Variants in IDH1 observed in about 807,000 individuals in gnomAD.
IDH1 encodes the protein isocitrate dehydrogenase [NADP] cytoplasmic.
Under a neutral mutation model 46.1 loss-of-function variants are expected in IDH1, and 33 were observed. The observed-to-expected ratio is 0.72, with a 90% CI of 0.54 to 0.96. The LOEUF (loss-of-function observed/expected upper bound fraction) is 0.96. Ranked by LOEUF, IDH1 falls within the 40% of genes least tolerant of loss-of-function variation. The probability of loss-of-function intolerance (pLI) is 0.00; values close to 1 mark genes in which losing one functional copy is unlikely to be tolerated. For synonymous variants in IDH1, 144 were observed against 172.8 expected (o/e 0.83, Z 1.31); for missense variants, 421 against 515.7 (o/e 0.82, Z 1.78).
At chr2:208,250,693 T>C (rs1461587852) in intron 3 of IDH1, among the ~76,000 whole-genome samples, 1 of 152,160 alleles carries the variant, frequency 6.6e-6, no homozygotes, top group African/African-American at 2.4e-5. Flanking sequence ...ACATAGACTT[T>C]TGCATCTGTC....
chr2:208,245,063 T>G (rs1020608977), intron 5 of IDH1, among the ~76,000 whole-genome samples: 5 of 152,242 alleles, frequency 3.3e-5, no homozygotes, highest in Non-Finnish European at 7.3e-5. Context: ...TGCTTTAAGA[T>G]AAATGCATAA....
At chr2:208,238,179 G>C (rs1456466093) in intron 9 of IDH1, among the ~76,000 whole-genome samples, 1 of 151,676 alleles carries the variant, frequency 6.6e-6, no homozygotes, top group South Asian at 2.1e-4. Flanking sequence ...GGGACTACAG[G>C]TGCCCGCCAC....
intron 9 of IDH1, 145 bp downstream of exon 9, chr2:208,238,926 A>G (rs1377916592): frequency 6.6e-6 from 5 of 756,574 alleles, no homozygotes; most frequent in East Asian, 2.6e-5. Flanking sequence ...TAAAATGTTC[A>G]CTATCTGACA....
In IDH1 at chr2:208,244,689, A is replaced by G. The variant is rs73983718; in HGVS notation, c.520+630T>C. On this transcript the variant is annotated intron_variant, in intron 5 of 9. Transcript: ENST00000345146. ...CAGATTCCAACAGATATTATTTGGA[A>G]GAGGCAAGAAAAACAAAAGGTAGGT... is the stretch of plus-strand genomic sequence containing the variant. Among the ~76,000 whole-genome samples, 993 of 152,352 alleles carry G rather than the reference A, an allele frequency of 6.5e-3. 12 individuals are homozygous for G. The highest frequency in any genetic ancestry group is 0.023 in the African/African-American group (942 of 41,586).
intron 7 of IDH1, among the ~76,000 whole-genome samples, chr2:208,240,927 T>C (rs1287041861): frequency 1.3e-5 from 2 of 152,184 alleles, no homozygotes; most frequent in East Asian, 1.9e-4. Flanking sequence ...GATCTACTGA[T>C]TTTCAAACTG....
chr2:208,245,923 T>A (rs1323689328), intron 4 of IDH1, among the ~76,000 whole-genome samples: 1 of 152,156 alleles, frequency 6.6e-6, no homozygotes, highest in Non-Finnish European at 1.5e-5. Context: ...CCTTACTCTA[T>A]GCCAGATGCT....
chr2:208,252,682 T>A (rs1165603832), intron 2 of IDH1, among the ~76,000 whole-genome samples: 1 of 152,250 alleles, frequency 6.6e-6, no homozygotes, highest in East Asian at 1.9e-4. Context: ...CCTAAAATAG[T>A]CTTTCTTGAA....
rs1687818731 is a variant in IDH1 at position 208,236,722 on chromosome 2, T to C, written c.*357A>G. On this transcript the variant is annotated 3_prime_UTR_variant, in exon 10 of 10. Coordinates refer to ENST00000345146, the MANE Select transcript of IDH1 (RefSeq NM_005896.4). ...GCAGTGAATTTCTACTTTATGCATA[T>C]TTTAGGGAGCAATACTGTGGCTATC... 3.3e-6 allele frequency: 1 copy of C among 305,566 alleles called. No individual in the cohort carries two copies. Among genetic ancestry groups the C allele is most frequent in the Admixed American group, 4.6e-5 (1 of 21,508 alleles). The allele number at this position is 305,566 out of a possible 1,614,324, so 18.9% of individuals were successfully genotyped here.
intron 7 of IDH1, chr2:208,240,250 G>A: frequency 1.9e-6 from 1 of 529,948 alleles, no homozygotes; most frequent in Non-Finnish European, 3.5e-6. Context: ...CCTTGATGGA[G>A]GGTTCAGGGT....
In IDH1 at chr2:208,245,378, A is replaced by G; in HGVS notation, c.461T>C (p.Ile154Thr). The G allele has an allele frequency of 6.2e-7, 1 of 1,612,920 alleles. No individual in the cohort carries two copies. Among genetic ancestry groups the G allele is most frequent in the Non-Finnish European group, 8.5e-7 (1 of 1,179,368 alleles). ...GGTTCCGTCACTTGGTGTGTAGGTT[A>G]TCTCTACTTTTCCAGGCCCAGGAAC... ...FVVPGPGKVE[I>T]TYTPSDGTQK... The change falls in exon 5 of 10, where the codon ATA becomes ACA. Residue 154 changes from isoleucine (I) to threonine (T), a missense_variant. Coordinates refer to ENST00000345146, the MANE Select transcript of IDH1 (RefSeq NM_005896.4).
Position 208,238,270 on chromosome 2 carries a change from C to T in IDH1, c.1154+801G>A, listed in dbSNP as rs1345213260. Among the ~76,000 whole-genome samples, 8 of 151,980 alleles carry T rather than the reference C, an allele frequency of 5.3e-5. No homozygotes were observed. The South Asian group carries it at 6.2e-4, about 12-fold the overall frequency. ...CAGGATGGTCTTGATCTCCTGACCT[C>T]GTGATCCACCCACCTCGGCCTCCCA... On this transcript the variant is annotated intron_variant, in intron 9 of 9. Coordinates refer to ENST00000345146, the MANE Select transcript of IDH1 (RefSeq NM_005896.4).
chr2:208,237,764 CA>C (rs11433971), intron 9 of IDH1, among the ~76,000 whole-genome samples: 8,937 of 97,582 alleles, frequency 0.092, 624 homozygotes, highest in African/African-American at 0.25. Context: ...ACTAAAAATA[CA>C]AAAAAAAAAA....
intron 1 of IDH1, chr2:208,254,381 T>C (rs1688176847): frequency 6.6e-6 from 1 of 151,964 alleles, no homozygotes; most frequent in East Asian, 1.9e-4. Flanking sequence ...CGGGGGTGTT[T>C]CCCCCAGCCC....
Position 208,242,098 on chromosome 2 carries a change from C to T in IDH1, c.746G>A (p.Arg249Lys). 1.2e-6 allele frequency: 2 copies of T among 1,613,610 alleles called. No homozygotes were observed. The highest frequency in any genetic ancestry group is 1.7e-6 in the Non-Finnish European group (2 of 1,179,704). Reference protein sequence around the residue: ...FEAQKIWYEHRLIDDMVAQAM... With the variant: ...FEAQKIWYEHKLIDDMVAQAM... ...TTGGGCCACCATGTCGTCGATGAGC[C>T]TATGCTCATACCAGATCTTTTGAGC... Residue 249 changes from arginine (R) to lysine (K), a missense_variant, in exon 7 of 10, where the codon AGG becomes AAG. Coordinates refer to ENST00000345146, the MANE Select transcript of IDH1 (RefSeq NM_005896.4).
At chr2:208,248,881 G>A (rs1022814708) in intron 3 of IDH1, among the ~76,000 whole-genome samples, 61 of 152,142 alleles carry the variant, frequency 4.0e-4, no homozygotes, top group African/African-American at 1.3e-3. Context: ...CCCTCCTCTT[G>A]TAATGGGAAG....
Position 208,239,885 on chromosome 2 carries a change from C to G in IDH1, c.969G>C (p.Gln323His), listed in dbSNP as rs1687885183. 1.2e-6 allele frequency: 2 copies of G among 1,614,084 alleles called. No individual in the cohort carries two copies. The highest frequency in any genetic ancestry group is 1.7e-6 in the Non-Finnish European group (2 of 1,180,042). ...TRHYRMYQKGQETSTNPIASI... is the reference protein window; with the variant it reads ...TRHYRMYQKGHETSTNPIASI... ...TACCAATGGGATTGGTGGACGTCTCCTGTCCTTTCTGGTACATGCGGTAGT... is the reference window on the plus strand; with the variant it reads ...TACCAATGGGATTGGTGGACGTCTCGTGTCCTTTCTGGTACATGCGGTAGT... The change falls in exon 8 of 10, where the codon CAG (glutamine) becomes CAC (histidine). Residue 323 changes from glutamine (Q) to histidine (H), a missense_variant. Physicochemically the swap from Gln to His is conservative, Grantham distance 24. Transcript: ENST00000345146.
chr2:208,248,170 C>A, intron 4 of IDH1, 199 bp downstream of exon 4: 1 of 594,188 alleles, frequency 1.7e-6, no homozygotes, highest in South Asian at 2.1e-5. Context: ...AGATGGACGC[C>A]TATTTGTAAG....
At chr2:208,254,862 C>T (rs1173396298) in intron 1 of IDH1, 77 bp downstream of exon 1, 1 of 152,408 alleles carries the variant, frequency 6.6e-6, no homozygotes, top group Non-Finnish European at 1.5e-5. Flanking sequence ...TCCTTTACCC[C>T]ATTCCTGCCT....
chr2:208,242,199 G>A, intron 6 of IDH1, 54 bp from the exon 7 acceptor site: 1 of 1,525,290 alleles, frequency 6.6e-7, no homozygotes, highest in Non-Finnish European at 9.1e-7. Flanking sequence ...ATTTTGTTAG[G>A]GATATCATCT....
Sources: allele counts gnomAD v4.1 joint callset (sites outside exome capture counted in the v4.1 genomes callset), GRCh38; gene constraint gnomAD v4.1.1; transcripts MANE v1.5; gene names NCBI Gene and HGNC (gene_info 2026-07-23, HGNC 2026-07-21).